The following CDKL4 variants were observed in gnomAD, a reference collection of about 807,000 sequenced individuals.
CDKL4 encodes the protein cyclin dependent kinase like 4.
Under a neutral mutation model 42.0 loss-of-function variants are expected in CDKL4, and 44 were observed. The observed-to-expected ratio is 1.05, with a 90% CI of 0.82 to 1.35. The LOEUF is 1.35. CDKL4 is among the 40% of genes most tolerant of loss of function. The probability of loss-of-function intolerance (pLI) is 0.00; values close to 1 mark genes in which losing one functional copy is unlikely to be tolerated. For synonymous variants in CDKL4, 120 were observed against 121.6 expected, an observed-to-expected ratio of 0.99 and a Z score of 0.09; for missense variants, 393 against 369.9, an observed-to-expected ratio of 1.06 and a Z score of -0.51.
At chr2:39,210,035 T>C (rs920136201) in intron 4 of CDKL4, among the ~76,000 whole-genome samples, 5 of 152,196 alleles carry the variant, frequency 3.3e-5, no homozygotes, top group Admixed American at 1.3e-4. Flanking sequence ...TCGCCCAGGC[T>C]GGAGTACAGT....
At chr2:39,211,735 G>A (rs946730947) in intron 4 of CDKL4, among the ~76,000 whole-genome samples, 2 of 151,710 alleles carry the variant, frequency 1.3e-5, no homozygotes, top group African/African-American at 2.4e-5. Flanking sequence ...ATCACTGGAT[G>A]CTAAAACCAT....
chr2:39,209,455 A>T (rs1306435276), intron 4 of CDKL4, among the ~76,000 whole-genome samples: 4 of 152,204 alleles, frequency 2.6e-5, no homozygotes, highest in African/African-American at 4.8e-5. Context: ...TAGTGATATT[A>T]TAGGGTAAAA....
intron 2 of CDKL4, 109 bp from the exon 3 acceptor site, chr2:39,226,069 G>T: frequency 8.9e-7 from 1 of 1,118,154 alleles, no homozygotes; most frequent in Non-Finnish European, 1.2e-6. Flanking sequence ...TTCATCCAAT[G>T]TACCTATAAT....
chr2:39,233,056 A>G (rs1679164156), intron 1 of CDKL4, among the ~76,000 whole-genome samples: 1 of 81,202 alleles, frequency 1.2e-5, no homozygotes, highest in Non-Finnish European at 2.6e-5. Context: ...AAAAAAAAAA[A>G]AAAAAAAGAA....
intron 9 of CDKL4, chr2:39,178,522 C>G (rs181353691): frequency 4.4e-4 from 676 of 1,548,458 alleles, no homozygotes; most frequent in Admixed American, 5.1e-4. Flanking sequence ...AGCCCTGAAC[C>G]AAAACAAACC....
In CDKL4 at chr2:39,179,060, G is replaced by C. The variant is rs928233919; in HGVS notation, c.927+127C>G. 8.6e-6 allele frequency: 13 copies of C among 1,504,580 alleles called. No homozygotes were observed. The Middle Eastern group carries it at 8.0e-4, about 93-fold the overall frequency. 93.2% of individuals were successfully genotyped at this position (1,504,580 alleles called of 1,614,324 possible). ...TCAATTACCAATATTTATTAAGCTA[G>C]ACAAATACAACTACACCAGTACAAA... On this transcript the variant is annotated intron_variant, in intron 9 of 9. Transcript: ENST00000451199.
chr2:39,171,997 C>T (rs76127496), downstream of CDKL4, among the ~76,000 whole-genome samples: 16 of 152,228 alleles, frequency 1.1e-4, no homozygotes, highest in East Asian at 3.1e-3. Context: ...TGGGACAAGA[C>T]TATTTGCTAA....
chr2:39,204,549 G>A, exon 5 of CDKL4: 1 of 1,608,764 alleles, frequency 6.2e-7, no homozygotes, highest in African/African-American at 1.3e-5. Context: ...CAAACCCGAA[G>A]TCACAAATCT....
At chr2:39,196,725 A>C (rs1676536056) in intron 5 of CDKL4, among the ~76,000 whole-genome samples, 1 of 152,120 alleles carries the variant, frequency 6.6e-6, no homozygotes, top group African/African-American at 2.4e-5. Flanking sequence ...CTCCTGCCTC[A>C]GCCTCCCAAG....
At chr2:39,245,280 G>C (rs1573045864), upstream of CDKL4, among the ~76,000 whole-genome samples, 1 of 152,188 alleles carries the variant, frequency 6.6e-6, no homozygotes, top group African/African-American at 2.4e-5. Flanking sequence ...TCACCGGGAG[G>C]AAGGAACAAC....
exon 5 of CDKL4, chr2:39,204,586 A>C (rs776576989): frequency 6.2e-7 from 1 of 1,604,034 alleles, no homozygotes; most frequent in Non-Finnish European, 8.5e-7. Flanking sequence ...AGTTATTAGA[A>C]TATTTTCAGG....
chr2:39,203,507 C>T (rs904149675), intron 5 of CDKL4, among the ~76,000 whole-genome samples: 10 of 152,156 alleles, frequency 6.6e-5, no homozygotes, highest in Admixed American at 2.0e-4. Context: ...GGATGACTAT[C>T]ATTCACTTAA....
intron 3 of CDKL4, among the ~76,000 whole-genome samples, chr2:39,225,532 G>T (rs1454405404): frequency 1.3e-5 from 2 of 151,790 alleles, no homozygotes; most frequent in Non-Finnish European, 2.9e-5. Flanking sequence ...TCTTATTAGT[G>T]AATTATATGA....
chr2:39,190,395 C>T, exon 6 of CDKL4: 1 of 1,614,016 alleles, frequency 6.2e-7, no homozygotes, highest in African/African-American at 1.3e-5. Flanking sequence ...AAAACACAAC[C>T]AATAGCCCAT....
rs1047429698 is a variant in CDKL4, at chr2:39,179,685, T to G, written c.793-364A>C. 3.3e-5 allele frequency among the ~76,000 whole-genome samples: 5 copies of G among 152,158 alleles called. No homozygotes were observed. The South Asian group carries it at 1.0e-3, about 31-fold the overall frequency. On this transcript the variant is annotated intron_variant, in intron 8 of 9. Transcript: ENST00000451199. ...GCAGGAACTTCCTAGAAATGCGAAG[T>G]CTTGGGTCCTATACCCCGCCTGCCA...
At chr2:39,183,466 G>A (rs1019763620) in intron 8 of CDKL4, among the ~76,000 whole-genome samples, 1 of 152,094 alleles carries the variant, frequency 6.6e-6, no homozygotes, top group African/African-American at 2.4e-5. Flanking sequence ...TAAAACCTTA[G>A]GCAGCCAACC....
At chr2:39,233,593 A>G (rs1202422761) in intron 1 of CDKL4, among the ~76,000 whole-genome samples, 3 of 152,224 alleles carry the variant, frequency 2.0e-5, no homozygotes. Flanking sequence ...CTCTTGGCCT[A>G]GGATGATAGT....
At chr2:39,238,729 ATTG>A in intron 1 of CDKL4, among the ~76,000 whole-genome samples, 2 of 151,422 alleles carry the variant, frequency 1.3e-5, no homozygotes, top group South Asian at 4.2e-4. Flanking sequence ...TTTATGGTCA[ATTG>A]ACTTTTAAAA....
intron 5 of CDKL4, among the ~76,000 whole-genome samples, chr2:39,199,170 C>T (rs908965146): frequency 6.6e-6 from 1 of 151,978 alleles, no homozygotes; most frequent in African/African-American, 2.4e-5. Context: ...ATAACTGATA[C>T]CACAGAAATA....
Sources: allele counts gnomAD v4.1 joint callset (sites outside exome capture counted in the v4.1 genomes callset), GRCh38; gene constraint gnomAD v4.1.1; transcripts MANE v1.5; gene names NCBI Gene and HGNC (gene_info 2026-07-23, HGNC 2026-07-21).